CREBBP: variants seen among roughly 807,000 people sequenced by gnomAD.
CREBBP encodes CREB-binding protein.
In CREBBP, 19 loss-of-function variants were observed where a neutral mutation model predicts 265.0. The observed-to-expected ratio is 0.07, with a 90% CI of 0.05 to 0.11. CREBBP has a LOEUF of 0.11. Among genes scored for constraint, CREBBP ranks in the 10% least tolerant of loss-of-function variants. CREBBP has a pLI of 1.00. For synonymous variants in CREBBP, 1,457 were observed against 1,223.7 expected, an observed-to-expected ratio of 1.19 and a Z score of -3.98; for missense variants, 2,525 against 3,219.0, an observed-to-expected ratio of 0.78 and a Z score of 5.22.
At chr16:3,781,167 T>C (rs2141246767) in intron 7 of CREBBP, 37 bp downstream of exon 7, 1 of 1,540,774 alleles carries the variant, frequency 6.5e-7, no homozygotes, top group Non-Finnish European at 9.0e-7. Flanking sequence ...TCCATGCTCC[T>C]GTTGGACTGT....
At chr16:3,752,638 A>G (rs1215859044) in intron 19 of CREBBP, among the ~76,000 whole-genome samples, 1 of 152,228 alleles carries the variant, frequency 6.6e-6, no homozygotes, top group Non-Finnish European at 1.5e-5. Flanking sequence ...CAATATATGT[A>G]AATCCATGAA....
At chr16:3,796,464 G>A (rs934719746) in intron 3 of CREBBP, among the ~76,000 whole-genome samples, 1 of 150,132 alleles carries the variant, frequency 6.7e-6, no homozygotes, top group African/African-American at 2.5e-5. Flanking sequence ...TCAGCTTACT[G>A]CAACCTCTGC....
intron 2 of CREBBP, among the ~76,000 whole-genome samples, chr16:3,840,370 C>T (rs1276443556): frequency 6.6e-6 from 1 of 152,128 alleles, no homozygotes; most frequent in East Asian, 1.9e-4. Flanking sequence ...GGCAACATAG[C>T]AACACCATGT....
intron 26 of CREBBP, among the ~76,000 whole-genome samples, chr16:3,737,474 C>T (rs1370278554): frequency 6.9e-6 from 1 of 145,766 alleles, no homozygotes; most frequent in Non-Finnish European, 1.5e-5. Flanking sequence ...TTTTTGCGGG[C>T]GGGGGGCAGA....
At chr16:3,872,943 G>T (rs1433604552) in intron 1 of CREBBP, among the ~76,000 whole-genome samples, 1 of 152,338 alleles carries the variant, frequency 6.6e-6, no homozygotes, top group East Asian at 1.9e-4. Context: ...TTCTGCACAC[G>T]GGGACACTCA....
At chr16:3,819,684 T>C (rs761228173) in intron 2 of CREBBP, among the ~76,000 whole-genome samples, 1 of 152,228 alleles carries the variant, frequency 6.6e-6, no homozygotes, top group African/African-American at 2.4e-5. Flanking sequence ...TGGTAAATCA[T>C]AAGCGTTTCC....
At chr16:3,770,297 T>A in intron 14 of CREBBP, among the ~76,000 whole-genome samples, 1 of 152,176 alleles carries the variant, frequency 6.6e-6, no homozygotes, top group Non-Finnish European at 1.5e-5. Flanking sequence ...TCTTCCCACC[T>A]AAGCCTTCTG....
At chr16:3,873,792 G>T (rs1040338598) in intron 1 of CREBBP, among the ~76,000 whole-genome samples, 5 of 152,132 alleles carry the variant, frequency 3.3e-5, no homozygotes, top group South Asian at 2.1e-4. Context: ...CCATGGGTAC[G>T]GAACTCGGAA....
intron 2 of CREBBP, among the ~76,000 whole-genome samples, chr16:3,849,417 GTGTGTGTGTGTGTGTGTGTGTGTGTGTGT>G (rs1567359921): frequency 2.1e-3 from 15 of 7,112 alleles, no homozygotes; most frequent in East Asian, 0.031. Context: ...GTGTGTGTGT[GTGTGTGTGTGTGTGTGTGTGTGTGTGTGT>G]GTGTGTGTGT....
chr16:3,736,837 G>T, intron 26 of CREBBP, 22 bp from the exon 27 acceptor site: 1 of 1,613,084 alleles, frequency 6.2e-7, no homozygotes. Flanking sequence ...ACGCACACAC[G>T]TCAGATGAAC....
At chr16:3,814,215 CTGTGTGTG>C (rs6145729) in intron 2 of CREBBP, among the ~76,000 whole-genome samples, 11,726 of 103,886 alleles carry the variant, frequency 0.11, 740 homozygotes, top group African/African-American at 0.16. Flanking sequence ...GAGTCTCGTT[CTGTGTGTG>C]TGTGTGTGTG....
chr16:3,855,788 C>T (rs753087507), intron 1 of CREBBP, among the ~76,000 whole-genome samples: 11 of 152,168 alleles, frequency 7.2e-5, no homozygotes, highest in Non-Finnish European at 1.6e-4. Context: ...TTTTGCTATC[C>T]TAAATTTGGA....
At chr16:3,877,621 C>CT (rs2055430819) in intron 1 of CREBBP, among the ~76,000 whole-genome samples, 1 of 152,230 alleles carries the variant, frequency 6.6e-6, no homozygotes, top group South Asian at 2.1e-4. Context: ...CCAGGCTGGT[C>CT]TTGAACTCCT....
rs1445018490 is a variant in CREBBP, at chr16:3,850,546, C to G, written c.549G>C (p.Gln183His). The G allele has an allele frequency of 6.2e-7, 1 of 1,614,246 alleles. No homozygotes were observed. Among genetic ancestry groups the G allele is most frequent in the Non-Finnish European group, 8.5e-7 (1 of 1,180,050 alleles). ...PGICMNANFN[Q>H]THPGLLNSNS... is the part of the protein sequence containing the mutation. ...TACTATTGAGGAGGCCTGGGTGGGT[C>G]TGGTTAAAGTTAGCATTCATGCAGA... The change falls in exon 2 of 31, where the codon CAG becomes CAC. Residue 183 changes from glutamine (Q) to histidine (H), a missense_variant. By Grantham distance (24) the Gln-to-His change is conservative. Transcript: ENST00000262367.
chr16:3,771,087 T>G (rs1354071552), intron 13 of CREBBP, 101 bp from the exon 14 acceptor site: 63 of 1,288,842 alleles, frequency 4.9e-5, no homozygotes, highest in Admixed American at 5.8e-5. Context: ...TTTTTTTTTT[T>G]GAGACAGTTT....
chr16:3,735,365 A>C (rs914711582), intron 28 of CREBBP, among the ~76,000 whole-genome samples: 5 of 152,010 alleles, frequency 3.3e-5, no homozygotes, highest in East Asian at 1.9e-4. Context: ...GGCGCAATCT[A>C]GGCTCACTGC....
At chr16:3,824,255 C>A (rs1164558630) in intron 2 of CREBBP, among the ~76,000 whole-genome samples, 1 of 152,266 alleles carries the variant, frequency 6.6e-6, no homozygotes, top group Non-Finnish European at 1.5e-5. Flanking sequence ...ACACAGTTGA[C>A]CGAGGCTACG....
At chr16:3,814,622 G>A (rs1379892784) in intron 2 of CREBBP, among the ~76,000 whole-genome samples, 2 of 152,084 alleles carry the variant, frequency 1.3e-5, no homozygotes, top group African/African-American at 2.4e-5. Flanking sequence ...CATCAAAAAC[G>A]TGTTTGTACC....
chr16:3,824,744 G>A (rs1278902377), intron 2 of CREBBP, among the ~76,000 whole-genome samples: 1 of 152,168 alleles, frequency 6.6e-6, no homozygotes, highest in African/African-American at 2.4e-5. Context: ...CTGCCAAGCA[G>A]GCCGGTGCTT....
Sources: allele counts gnomAD v4.1 joint callset (sites outside exome capture counted in the v4.1 genomes callset), GRCh38; gene constraint gnomAD v4.1.1; transcripts MANE v1.5; gene names NCBI Gene and HGNC (gene_info 2026-07-23, HGNC 2026-07-21).